Variants in VWA2 observed in about 807,000 individuals in gnomAD.
VWA2 encodes the protein von Willebrand factor A domain containing 2.
Under a neutral mutation model 70.4 loss-of-function variants are expected in VWA2, and 73 were observed. That is an observed-to-expected ratio of 1.04 (90% confidence interval 0.86 to 1.26). VWA2 has a LOEUF of 1.26. Ranked by LOEUF, VWA2 falls within the 50% of genes most tolerant of loss-of-function variation. VWA2 has a pLI of 0.00. For synonymous variants in VWA2, 407 were observed against 423.3 expected, an observed-to-expected ratio of 0.96 and a Z score of 0.47; for missense variants, 1,011 against 998.5, an observed-to-expected ratio of 1.01 and a Z score of -0.17.
At chr10:114,271,001 C>G (rs1313274408) in intron 5 of VWA2, among the ~76,000 whole-genome samples, 1 of 152,122 alleles carries the variant, frequency 6.6e-6, no homozygotes, top group Non-Finnish European at 1.5e-5. Context: ...AGCTTTTTCC[C>G]CTCTGAAGCC....
rs770899290 is a variant in VWA2 at position 114,278,839 on chromosome 10, G to A, written c.821G>A (p.Cys274Tyr). 1.1e-5 allele frequency: 17 copies of A among 1,612,972 alleles called. No homozygotes were observed. Among genetic ancestry groups the A allele is most frequent in the African/African-American group, 2.7e-5 (2 of 74,916 alleles). The change falls in exon 8 of 14, where the codon TGT becomes TAT. Residue 274 changes from cysteine (C) to tyrosine (Y), a missense_variant. Physicochemically the swap from Cys to Tyr is radical, Grantham distance 194. Coordinates refer to ENST00000392982, the MANE Select transcript of VWA2 (RefSeq NM_001272046.2). The stretch of plus-strand genomic sequence containing the variant: ...ACCCTTGCGGTGCTGGCTGCACACT[G>A]TCCCTTCTACAGGTTTGTCTGCGCG... ...RRTLAVLAAH[C>Y]PFYSWKRVFL...
chr10:114,241,674 C>A (rs978727718), intron 1 of VWA2, among the ~76,000 whole-genome samples: 1 of 152,020 alleles, frequency 6.6e-6, no homozygotes, highest in Admixed American at 6.5e-5. Context: ...GGAAGGGTAC[C>A]GGGCACAGGG....
intron 4 of VWA2, among the ~76,000 whole-genome samples, chr10:114,258,991 T>C (rs1048185799): frequency 6.6e-6 from 1 of 152,242 alleles, no homozygotes; most frequent in African/African-American, 2.4e-5. Flanking sequence ...GGATATTTGC[T>C]GTTACAAATA....
chr10:114,278,796 T>C lies in VWA2; in HGVS notation c.778T>C (p.Trp260Arg). 6.2e-7 allele frequency: 1 copy of C among 1,613,802 alleles called. No homozygotes were observed. The highest frequency in any genetic ancestry group is 8.5e-7 in the Non-Finnish European group (1 of 1,180,038). ...VREFAGNAPCWRGSRRTLAVL... is the reference protein window; with the variant it reads ...VREFAGNAPCRRGSRRTLAVL... ...GGAGTTCGCTGGCAATGCCCCATGC[T>C]GGAGAGGATCGCGGCGGACCCTTGC... The change falls in exon 8 of 14, where the codon TGG becomes CGG. Residue 260 changes from tryptophan (W) to arginine (R), a missense_variant. Coordinates refer to ENST00000392982, the MANE Select transcript of VWA2 (RefSeq NM_001272046.2).
chr10:114,289,262 T>G lies in VWA2; in HGVS notation c.1895T>G (p.Val632Gly). Residue 632 changes from valine to glycine, a missense_variant, in exon 12 of 14, where the codon GTC becomes GGC. Val to Gly is a moderately radical substitution (Grantham distance 109). Coordinates refer to ENST00000392982, the MANE Select transcript of VWA2 (RefSeq NM_001272046.2). ...GTCCAGAGGGGTGCCCGGCCTGGTGTCCCCAAAGCTGTGGTGGTGCTCACA... is the reference window on the plus strand; with the variant it reads ...GTCCAGAGGGGTGCCCGGCCTGGTGGCCCCAAAGCTGTGGTGGTGCTCACA... ...MTVQRGARPG[V>G]PKAVVVLTGG... The G allele has an allele frequency of 6.2e-7, 1 of 1,614,096 alleles. No homozygotes were observed. The highest frequency in any genetic ancestry group is 1.1e-5 in the South Asian group (1 of 91,070).
rs760008558 is a variant in VWA2, at chr10:114,278,753, G to T, written c.735G>T (p.Arg245Ser). Residue 245 changes from arginine (R) to serine (S), a missense_variant, in exon 8 of 14, where the codon AGG (arginine) becomes AGT (serine). By Grantham distance (110) the Arg-to-Ser change is moderately radical (BLOSUM62 -1). Coordinates refer to ENST00000392982, the MANE Select transcript of VWA2 (RefSeq NM_001272046.2). ...CRVEAHPCEH[R>S]TLEMVREFAG... Reference sequence around the variant, plus strand: ...TCGAGGCTCACCCCTGTGAGCACAGGACGCTGGAGATGGTCCGGGAGTTCG... The same window carrying T: ...TCGAGGCTCACCCCTGTGAGCACAGTACGCTGGAGATGGTCCGGGAGTTCG... 6.2e-7 allele frequency: 1 copy of T among 1,613,960 alleles called. No homozygotes were observed. Among genetic ancestry groups the T allele is most frequent in the Non-Finnish European group, 8.5e-7 (1 of 1,180,028 alleles).
At chr10:114,267,278 G>A (rs561996937) in intron 5 of VWA2, among the ~76,000 whole-genome samples, 9 of 151,682 alleles carry the variant, frequency 5.9e-5, no homozygotes, top group Admixed American at 2.0e-4. Flanking sequence ...CACCATGCCC[G>A]GCTAATTTTT....
Position 114,286,514 on chromosome 10 carries a change from A to G in VWA2, c.1570+3A>G, listed in dbSNP as rs1212268413. Reference sequence around the variant, plus strand: ...GCTGTGCAGCCGGCAGCGGCCAGGTAAGGTCCCAGTGCCTGACCCAGGACC... The same window carrying G: ...GCTGTGCAGCCGGCAGCGGCCAGGTGAGGTCCCAGTGCCTGACCCAGGACC... On this transcript the variant is annotated splice_donor_region_variant and intron_variant, in intron 11 of 13. Transcript: ENST00000392982. 1 of 1,558,650 alleles carries G rather than the reference A, an allele frequency of 6.4e-7. No homozygotes were observed. Among genetic ancestry groups the G allele is most frequent in the Non-Finnish European group, 8.7e-7 (1 of 1,150,406 alleles).
chr10:114,290,415 G>A, intron 13 of VWA2, 50 bp downstream of exon 13: 1 of 1,540,324 alleles, frequency 6.5e-7, no homozygotes, highest in South Asian at 1.2e-5. Flanking sequence ...GGTATTGCGA[G>A]TCCTGCCAAG....
chr10:114,240,809 A>G (rs1425207810), intron 1 of VWA2, among the ~76,000 whole-genome samples: 2 of 152,132 alleles, frequency 1.3e-5, no homozygotes, highest in Non-Finnish European at 2.9e-5. Context: ...CTTTTGTAAA[A>G]TCCAGCCCAG....
chr10:114,273,755 G>C (rs1257430660), intron 6 of VWA2, among the ~76,000 whole-genome samples: 1 of 152,118 alleles, frequency 6.6e-6, no homozygotes, highest in Non-Finnish European at 1.5e-5. Flanking sequence ...TTCTCATGCT[G>C]GGCATTATTC....
chr10:114,253,569 TTAGTC>T, intron 2 of VWA2, 77 bp from the exon 3 acceptor site: 2 of 1,228,808 alleles, frequency 1.6e-6, no homozygotes, highest in South Asian at 2.6e-5. Context: ...TGTTACCTGT[TTAGTC>T]AAGTCACTTA....
intron 3 of VWA2, 103 bp downstream of exon 3, chr10:114,253,828 A>G: frequency 8.9e-7 from 1 of 1,127,554 alleles, no homozygotes; most frequent in Non-Finnish European, 1.3e-6. Flanking sequence ...CCCCTTTCCC[A>G]TCTTCCTTTC....
intron 12 of VWA2, 188 bp from the exon 13 acceptor site, chr10:114,290,052 T>G: frequency 1.6e-6 from 1 of 617,726 alleles, no homozygotes; most frequent in Non-Finnish European, 2.7e-6. Flanking sequence ...GGACTCTCCA[T>G]GAGTCTGTAG....
intron 4 of VWA2, among the ~76,000 whole-genome samples, chr10:114,259,225 A>G (rs1384483165): frequency 6.6e-6 from 1 of 152,172 alleles, no homozygotes; most frequent in Non-Finnish European, 1.5e-5. Context: ...GGATGGGGAA[A>G]AATGCTATTT....
chr10:114,272,362 G>A (rs912086708), intron 5 of VWA2, among the ~76,000 whole-genome samples: 14 of 152,154 alleles, frequency 9.2e-5, no homozygotes, highest in African/African-American at 3.4e-4. Flanking sequence ...CTCATTATCT[G>A]CTTTCCCAAC....
rs562807036 is a variant in VWA2, at chr10:114,262,198, T to C, written c.371+903T>C. ...CAATATCGCCCTCTAAATATATATA[T>C]AGTCATATGTTTACTTACATTATAA... On this transcript the variant is annotated intron_variant, in intron 5 of 13. Coordinates refer to ENST00000392982, the MANE Select transcript of VWA2 (RefSeq NM_001272046.2). Among the ~76,000 whole-genome samples the C allele has an allele frequency of 3.9e-5, 6 of 152,110 alleles. No individual in the cohort carries two copies. The South Asian group carries it at 1.2e-3, about 32-fold the overall frequency.
chr10:114,291,453 G>A lies in VWA2; in HGVS notation c.*216G>A, dbSNP rs2039590529. On this transcript the variant is annotated 3_prime_UTR_variant, in exon 14 of 14. Coordinates refer to ENST00000392982, the MANE Select transcript of VWA2 (RefSeq NM_001272046.2). ...GCTTAGAGACAAGAAAGCAGCTGAT[G>A]TCACCCACAAACGATGTTGTTGAAA... 4 of 560,032 alleles carry A rather than the reference G, an allele frequency of 7.1e-6. No individual in the cohort carries two copies. The highest frequency in any genetic ancestry group is 1.2e-5 in the Non-Finnish European group (4 of 326,720). The allele number at this position is 560,032 out of a possible 1,614,324, so 34.7% of individuals were successfully genotyped here. A position where few individuals can be genotyped will look rare whatever the true frequency, so the allele number is the denominator to read the frequency against.
rs946787347 is a variant in VWA2 at position 114,291,891 on chromosome 10, G to A, written c.*654G>A. ...TTAACCAGCTTGTTTGATGATGGGG[G>A]AGGGGCTGAGTGTGCAATGGGCCCA... On this transcript the variant is annotated 3_prime_UTR_variant, in exon 14 of 14. Coordinates refer to ENST00000392982, the MANE Select transcript of VWA2 (RefSeq NM_001272046.2). Among the ~76,000 whole-genome samples the A allele has an allele frequency of 6.6e-6, 1 of 152,204 alleles. No individual in the cohort carries two copies. The highest frequency in any genetic ancestry group is 2.4e-5 in the African/African-American group (1 of 41,444).
Sources: allele counts gnomAD v4.1 joint callset (sites outside exome capture counted in the v4.1 genomes callset), GRCh38; gene constraint gnomAD v4.1.1; transcripts MANE v1.5; gene names NCBI Gene and HGNC (gene_info 2026-07-23, HGNC 2026-07-21).